Variants in MAST4 observed in about 807,000 individuals in gnomAD.
The protein encoded by MAST4 is microtubule-associated serine/threonine-protein kinase 4.
MAST4 carries 89 observed loss-of-function variants against 162.7 expected under a neutral mutation model. The ratio of observed to expected loss-of-function variants is 0.55; its 90% CI spans 0.46 to 0.65. MAST4 has a LOEUF of 0.65. Among genes scored for constraint, MAST4 ranks in the 30% least tolerant of loss-of-function variants. The pLI is 0.00. For missense variants in MAST4, 3,153 were observed against 3,374.0 expected, an observed-to-expected ratio of 0.93 and a Z score of 1.62; for synonymous variants, 1,479 against 1,361.1, an observed-to-expected ratio of 1.09 and a Z score of -1.91.
At chr5:67,069,467 C>T (rs899560244) in intron 5 of MAST4, among the ~76,000 whole-genome samples, 9 of 151,748 alleles carry the variant, frequency 5.9e-5, no homozygotes, top group Admixed American at 1.3e-4. Context: ...GGTCTGATGA[C>T]AAATGACACT....
At chr5:66,868,128 A>G (rs1400804747) in intron 3 of MAST4, among the ~76,000 whole-genome samples, 7 of 152,218 alleles carry the variant, frequency 4.6e-5, no homozygotes, top group African/African-American at 1.4e-4. Flanking sequence ...TCAAAAATGC[A>G]TAAAGTATTA....
At chr5:66,953,612 TA>T (rs1278386506) in intron 4 of MAST4, among the ~76,000 whole-genome samples, 2 of 152,024 alleles carry the variant, frequency 1.3e-5, no homozygotes, top group East Asian at 3.9e-4. Flanking sequence ...TACACTAAAG[TA>T]ATATTCCCCG....
Position 67,167,989 on chromosome 5 carries a change from C to T in MAST4, c.*938C>T, listed in dbSNP as rs1393207970. The T allele has an allele frequency of 6.6e-6, 1 of 152,184 alleles. No homozygotes were observed. Among genetic ancestry groups the T allele is most frequent in the African/African-American group, 2.4e-5 (1 of 41,426 alleles). 9.4% of individuals were successfully genotyped at this position (152,184 alleles called of 1,614,324 possible). On this transcript the variant is annotated 3_prime_UTR_variant, in exon 29 of 29. Coordinates refer to ENST00000403625, the MANE Select transcript of MAST4 (RefSeq NM_001164664.2). The stretch of plus-strand genomic sequence containing the variant: ...GCCTTTATGCTGTGAGTGACTAGTC[C>T]AAGAAGCACACATTTTGTAGTAGTC...
At chr5:67,046,813 A>G (rs1340972213) in intron 4 of MAST4, among the ~76,000 whole-genome samples, 1 of 152,094 alleles carries the variant, frequency 6.6e-6, no homozygotes, top group Middle Eastern at 3.4e-3. Context: ...TTTTTTGTTC[A>G]TAGGTGAAAG....
chr5:67,073,452 T>A (rs1158031597), intron 5 of MAST4, among the ~76,000 whole-genome samples: 1 of 152,226 alleles, frequency 6.6e-6, no homozygotes, highest in Non-Finnish European at 1.5e-5. Context: ...GAGGCAGGAC[T>A]CGGCTCACGA....
At chr5:67,100,689 A>C in intron 8 of MAST4, 97 bp downstream of exon 8, 1 of 1,389,594 alleles carries the variant, frequency 7.2e-7, no homozygotes, top group Non-Finnish European at 1.0e-6. Flanking sequence ...ATGTGTGTTA[A>C]CTGACTTGCA....
intron 1 of MAST4, among the ~76,000 whole-genome samples, chr5:66,606,029 T>C (rs1345251851): frequency 6.6e-6 from 1 of 152,216 alleles, no homozygotes; most frequent in East Asian, 1.9e-4. Context: ...TCATATCATT[T>C]TATATTCTTT....
chr5:66,698,597 C>T (rs1749563508), intron 1 of MAST4, among the ~76,000 whole-genome samples: 1 of 152,144 alleles, frequency 6.6e-6, no homozygotes, highest in African/African-American at 2.4e-5. Context: ...CTAAATACTG[C>T]CTGTAAGGAG....
At chr5:66,961,796 G>A (rs1223581229) in intron 4 of MAST4, among the ~76,000 whole-genome samples, 5 of 152,126 alleles carry the variant, frequency 3.3e-5, no homozygotes. Context: ...ACAAAATGAT[G>A]GACATATCAG....
intron 3 of MAST4, among the ~76,000 whole-genome samples, chr5:66,823,922 A>G (rs2149738933): frequency 6.6e-6 from 1 of 152,360 alleles, no homozygotes. Flanking sequence ...TATGATTATA[A>G]TCACAATAAT....
rs71610525 is a variant in MAST4, at chr5:66,643,878, G to GTTT, written c.363+46872_363+46874dup. Among the ~76,000 whole-genome samples, 715 of 141,968 alleles carry GTTT rather than the reference G, an allele frequency of 5.0e-3. 4 individuals are homozygous for GTTT. The highest frequency in any genetic ancestry group is 0.015 in the African/African-American group (601 of 39,162). The allele number at this position is 141,968 out of a possible 152,430, so 93.1% of individuals were successfully genotyped here. ...GCAGGAAAGAAGAGCAATAGCTTGT[G>GTTT]TTTTTTTTTTTTTTCTTTAAATTAC... On this transcript the variant is annotated intron_variant, in intron 1 of 28. Transcript: ENST00000403625.
intron 3 of MAST4, among the ~76,000 whole-genome samples, chr5:66,843,351 G>A (rs1758559740): frequency 6.6e-6 from 1 of 152,278 alleles, no homozygotes; most frequent in South Asian, 2.1e-4. Context: ...AGAATATTGT[G>A]TGTCAGCAAG....
chr5:66,723,662 A>G (rs866845675), intron 1 of MAST4, among the ~76,000 whole-genome samples: 2 of 152,314 alleles, frequency 1.3e-5, no homozygotes, highest in South Asian at 2.1e-4. Context: ...TTATGAATCC[A>G]TAAAACTGGG....
intron 4 of MAST4, among the ~76,000 whole-genome samples, chr5:66,956,910 G>A (rs1444838822): frequency 6.6e-6 from 1 of 152,052 alleles, no homozygotes; most frequent in Non-Finnish European, 1.5e-5. Context: ...AATGTATTTT[G>A]GGTCAATGTA....
chr5:66,819,964 AT>A (rs35712503), intron 3 of MAST4, among the ~76,000 whole-genome samples: 75,069 of 132,040 alleles, frequency 0.57, 21,355 homozygotes, highest in Non-Finnish European at 0.68. Flanking sequence ...TTTTCTTTTA[AT>A]TTTTTTTTTT....
intron 4 of MAST4, among the ~76,000 whole-genome samples, chr5:66,929,652 T>G (rs961123796): frequency 1.3e-5 from 2 of 152,208 alleles, no homozygotes; most frequent in Non-Finnish European, 2.9e-5. Flanking sequence ...TAGATACAGT[T>G]ATGTTACTAT....
chr5:66,943,219 A>G (rs569488636), intron 4 of MAST4, among the ~76,000 whole-genome samples: 2 of 152,190 alleles, frequency 1.3e-5, no homozygotes, highest in African/African-American at 4.8e-5. Context: ...CTATGTCTTA[A>G]TTTCATTACC....
At chr5:66,761,109 C>T (rs1004514063) in intron 2 of MAST4, among the ~76,000 whole-genome samples, 10 of 152,112 alleles carry the variant, frequency 6.6e-5, no homozygotes, top group Non-Finnish European at 1.5e-4. Context: ...TAGCCATTTT[C>T]AGTGTTACAT....
At chr5:66,816,266 T>C (rs1349192036) in intron 3 of MAST4, among the ~76,000 whole-genome samples, 1 of 152,020 alleles carries the variant, frequency 6.6e-6, no homozygotes, top group Admixed American at 6.6e-5. Flanking sequence ...TTAGTGTTCA[T>C]GTATTTTTTG....
Sources: gnomAD v4.1 joint callset for allele counts (sites outside exome capture counted in the v4.1 genomes callset) on GRCh38, gnomAD v4.1.1 for gene constraint, MANE v1.5 for transcripts, NCBI Gene and HGNC (gene_info 2026-07-23, HGNC 2026-07-21) for gene names.